The following LRP12 variants were observed in gnomAD, a reference collection of about 807,000 sequenced individuals.
The protein encoded by LRP12 is low-density lipoprotein receptor-related protein 12.
Under a neutral mutation model 66.0 loss-of-function variants are expected in LRP12, and 14 were observed. The observed-to-expected ratio is 0.21, with a 90% CI of 0.14 to 0.33. The LOEUF (loss-of-function observed/expected upper bound fraction) is 0.33. LRP12 is among the 10% of genes least tolerant of loss of function. The pLI is 1.00. For missense variants in LRP12, 889 were observed against 1,053.4 expected, an observed-to-expected ratio of 0.84 and a Z score of 2.16; for synonymous variants, 357 against 359.1, an observed-to-expected ratio of 0.99 and a Z score of 0.07.
chr8:104,555,933 T>C (rs1350826703), intron 1 of LRP12, among the ~76,000 whole-genome samples: 1 of 152,116 alleles, frequency 6.6e-6, no homozygotes, highest in Admixed American at 6.6e-5. Flanking sequence ...TCAATAAATT[T>C]AAGAAAATAA....
intron 1 of LRP12, among the ~76,000 whole-genome samples, chr8:104,556,781 C>T (rs1450628254): frequency 1.3e-5 from 2 of 152,030 alleles, no homozygotes; most frequent in Non-Finnish European, 2.9e-5. Flanking sequence ...ACCAGCATCA[C>T]CCTAATAACA....
chr8:104,519,619 T>C (rs113096561), intron 2 of LRP12, among the ~76,000 whole-genome samples: 7 of 152,070 alleles, frequency 4.6e-5, no homozygotes, highest in African/African-American at 1.4e-4. Context: ...GCTCAACTTG[T>C]AGCAATATTT....
In LRP12 at chr8:104,532,221, G is replaced by T. The variant is rs151200947; in HGVS notation, c.80-258C>A. Among the ~76,000 whole-genome samples the T allele has an allele frequency of 3.4e-4, 52 of 151,976 alleles. 1 individual carries two copies. The East Asian group carries it at 0.01, about 29-fold the overall frequency. On this transcript the variant is annotated intron_variant, in intron 1 of 6. Transcript: ENST00000276654. ...AGATAGATCTGATCAACACCAGAAAGAATTTTCTATCAATTAATAATCAAA... is the reference window on the plus strand; with the variant it reads ...AGATAGATCTGATCAACACCAGAAATAATTTTCTATCAATTAATAATCAAA...
intron 2 of LRP12, among the ~76,000 whole-genome samples, chr8:104,518,947 T>C (rs1366566075): frequency 6.6e-6 from 1 of 151,998 alleles, no homozygotes; most frequent in Non-Finnish European, 1.5e-5. Context: ...GCATAGAGTC[T>C]ATGGGCCACT....
At chr8:104,534,040 T>C (rs886472126) in intron 1 of LRP12, among the ~76,000 whole-genome samples, 2 of 141,636 alleles carry the variant, frequency 1.4e-5, no homozygotes, top group African/African-American at 5.3e-5. Flanking sequence ...ACCTACCTTA[T>C]AGGGCTTAGT....
intron 6 of LRP12, among the ~76,000 whole-genome samples, chr8:104,493,325 C>A (rs1303009061): frequency 6.6e-6 from 1 of 152,178 alleles, no homozygotes; most frequent in Non-Finnish European, 1.5e-5. Context: ...AAGCTTCAAA[C>A]TTGAGAGTTT....
At chr8:104,578,226 C>T (rs1812195562) in intron 1 of LRP12, among the ~76,000 whole-genome samples, 1 of 151,202 alleles carries the variant, frequency 6.6e-6, no homozygotes, top group Admixed American at 6.6e-5. Flanking sequence ...ACCACAGACC[C>T]CACAGAAATA....
At chr8:104,504,483 G>A (rs975204766) in intron 3 of LRP12, 1 of 151,980 alleles carries the variant, frequency 6.6e-6, no homozygotes, top group Non-Finnish European at 1.5e-5. Flanking sequence ...TATTCTAACA[G>A]TTTTAATATG....
rs776277517 is a variant in LRP12, at chr8:104,491,012, T to C, written c.2241A>G (p.Ser747=). 7 of 1,614,130 alleles carry C rather than the reference T, an allele frequency of 4.3e-6. No homozygotes were observed. The East Asian group carries it at 1.1e-4, about 26-fold the overall frequency. The change falls in exon 7 of 7, where the codon TCA becomes TCG. Residue 747 remains serine, a synonymous_variant. Transcript: ENST00000276654. ...GACTCTGGTTCTGACTTAGGGAACT[T>C]GATCGTCCTAATGTAAAACGTACCC... The part of the protein sequence containing the change: ...LRWVRFTLGR[S]SSLSQNQSPL...
intron 2 of LRP12, among the ~76,000 whole-genome samples, chr8:104,520,319 C>T (rs34493777): frequency 0.069 from 10,512 of 151,902 alleles, 413 homozygotes; most frequent in South Asian, 0.08. Context: ...CTACATTTTC[C>T]TATTTTAAGC....
At chr8:104,538,891 G>A (rs1811425863) in intron 1 of LRP12, among the ~76,000 whole-genome samples, 1 of 152,078 alleles carries the variant, frequency 6.6e-6, no homozygotes, top group Admixed American at 6.6e-5. Flanking sequence ...AATAGCTCAT[G>A]TGGCTGACGG....
chr8:104,522,919 T>A (rs917756928), intron 2 of LRP12, among the ~76,000 whole-genome samples: 2 of 152,086 alleles, frequency 1.3e-5, no homozygotes, highest in African/African-American at 4.8e-5. Context: ...GAAAAAAAGT[T>A]AAGCAAGAAA....
intron 2 of LRP12, among the ~76,000 whole-genome samples, chr8:104,519,479 C>T (rs958139211): frequency 1.3e-5 from 2 of 151,962 alleles, no homozygotes; most frequent in South Asian, 2.1e-4. Context: ...GGAATATTTG[C>T]GCATACATAC....
Position 104,521,024 on chromosome 8 carries a change from T to C in LRP12, c.136+10883A>G, listed in dbSNP as rs78103771. Among the ~76,000 whole-genome samples, 2,165 of 152,198 alleles carry C rather than the reference T, an allele frequency of 0.014. 111 individuals carry two copies. The East Asian group carries it at 0.18, about 12-fold the overall frequency. On this transcript the variant is annotated intron_variant, in intron 2 of 6. Coordinates refer to ENST00000276654, the MANE Select transcript of LRP12 (RefSeq NM_013437.5). ...GTCACAATACAACCTGTTCTGTCTA[T>C]AGTTCTGGTACTCACACGTGCTGTT...
At chr8:104,566,250 G>T in intron 1 of LRP12, 1 of 544,214 alleles carries the variant, frequency 1.8e-6, no homozygotes, top group Non-Finnish European at 2.9e-6. Flanking sequence ...ATGAGAAGCT[G>T]GCTATAGTTA....
rs750059132 is a variant in LRP12 at position 104,491,484 on chromosome 8, GA to G, written c.1768del (p.Ser590GlnfsTer96). 3.1e-6 allele frequency: 5 copies of G among 1,613,232 alleles called. No individual in the cohort carries two copies. The highest frequency in any genetic ancestry group is 4.2e-6 in the Non-Finnish European group (5 of 1,179,902). On this transcript the variant is annotated frameshift_variant, in exon 7 of 7. Transcript: ENST00000276654. LOFTEE classifies it high-confidence loss of function. Reference protein sequence around the residue: ...LAVRSQLGFTSVRLPMAGRSS... With the variant: ...LAVRSQLGFTXVRLPMAGRSS... ...TCTGCCTGCCATAGGAAGCCTGACT[GA>G]AGTAAATCCAAGCTGAGATCGTACC...
At chr8:104,533,273 G>T (rs558668548) in intron 1 of LRP12, among the ~76,000 whole-genome samples, 2 of 152,112 alleles carry the variant, frequency 1.3e-5, no homozygotes, top group East Asian at 3.9e-4. Flanking sequence ...GAATTGAAAT[G>T]ACCAGAAAGA....
At chr8:104,572,100 C>T (rs1349702445) in intron 1 of LRP12, among the ~76,000 whole-genome samples, 4 of 152,150 alleles carry the variant, frequency 2.6e-5, no homozygotes, top group Non-Finnish European at 4.4e-5. Flanking sequence ...GTGATTGATG[C>T]AACAATGTGC....
At chr8:104,508,339 A>G (rs1810939133) in intron 3 of LRP12, 1 of 152,064 alleles carries the variant, frequency 6.6e-6, no homozygotes, top group African/African-American at 2.4e-5. Context: ...TTCCTTATTT[A>G]TATGTCACAT....
Sources: gnomAD v4.1 joint callset for allele counts (sites outside exome capture counted in the v4.1 genomes callset) on GRCh38, gnomAD v4.1.1 for gene constraint, MANE v1.5 for transcripts, NCBI Gene and HGNC (gene_info 2026-07-23, HGNC 2026-07-21) for gene names.